THADA: variants seen among roughly 807,000 people sequenced by gnomAD.
THADA encodes THADA armadillo repeat containing, also known as tRNA (32-2'-O)-methyltransferase regulator THADA.
A neutral mutation model predicts 219.8 loss-of-function variants in THADA; 213 were observed. The observed-to-expected ratio is 0.97, with a 90% CI of 0.87 to 1.09. The LOEUF is 1.09. Ranked by LOEUF, THADA falls within the 50% of genes least tolerant of loss-of-function variation. The pLI is 0.00. For synonymous variants in THADA, 1,018 were observed against 828.9 expected, an observed-to-expected ratio of 1.23 and a Z score of -3.92; for missense variants, 2,956 against 2,311.3, an observed-to-expected ratio of 1.28 and a Z score of -5.72.
chr2:43,570,203 G>T (rs749353859), intron 14 of THADA, among the ~76,000 whole-genome samples, 185 bp downstream of exon 14: 5 of 152,138 alleles, frequency 3.3e-5, no homozygotes, highest in Non-Finnish European at 5.9e-5. Flanking sequence ...TACAGCACTG[G>T]TTCCATAACC....
intron 27 of THADA, 78 bp from the exon 28 acceptor site, chr2:43,428,309 GAAAT>G: frequency 5.0e-6 from 7 of 1,405,086 alleles, no homozygotes; most frequent in Non-Finnish European, 6.7e-6. Context: ...TTTTTCTCAT[GAAAT>G]AATTATGTAT....
chr2:43,427,899 T>C (rs918474117), intron 28 of THADA, among the ~76,000 whole-genome samples: 1 of 149,528 alleles, frequency 6.7e-6, no homozygotes, highest in Non-Finnish European at 1.5e-5. Flanking sequence ...GAGCTTGCAG[T>C]GAGCCGAGAT....
chr2:43,328,936 T>C (rs1386154474), intron 30 of THADA, among the ~76,000 whole-genome samples: 1 of 152,184 alleles, frequency 6.6e-6, no homozygotes, highest in Non-Finnish European at 1.5e-5. Flanking sequence ...AGAATCCTCA[T>C]ATTTTTCCAT....
chr2:43,265,718 G>A (rs1298137073), intron 36 of THADA, among the ~76,000 whole-genome samples: 1 of 152,132 alleles, frequency 6.6e-6, no homozygotes, highest in Non-Finnish European at 1.5e-5. Context: ...CTCAAAACTT[G>A]AAAACAACCC....
In THADA at chr2:43,303,636, G is replaced by GA. The variant is rs542009815; in HGVS notation, c.4439-10424dup. On this transcript the variant is annotated intron_variant, in intron 31 of 37. Coordinates refer to ENST00000405975, the MANE Select transcript of THADA (RefSeq NM_022065.5). ...TAAATAGCTTTAACAAGGGCATTCT[G>GA]AAAAAAAAATGGTAATATCATTACC... 4.5e-4 allele frequency among the ~76,000 whole-genome samples: 66 copies of GA among 145,674 alleles called. No individual in the cohort carries two copies. The South Asian group carries it at 5.4e-3, about 12-fold the overall frequency.
At chr2:43,362,524 G>T (rs1042816417) in intron 29 of THADA, among the ~76,000 whole-genome samples, 2 of 151,980 alleles carry the variant, frequency 1.3e-5, no homozygotes, top group Admixed American at 1.3e-4. Flanking sequence ...GATTTTAAAC[G>T]GTGCACCTGT....
rs1485001290 is a variant in THADA at position 43,245,174 on chromosome 2, T to A, written c.5297-12292A>T. The stretch of plus-strand genomic sequence containing the variant: ...CTGGAGCTTCTTTCTTTCTTCTTCT[T>A]TTTTTTTTTTTTTTTTGAGACGGAG... On this transcript the variant is annotated intron_variant, in intron 36 of 37. Transcript: ENST00000405975. Among the ~76,000 whole-genome samples the A allele has an allele frequency of 8.2e-5, 10 of 122,462 alleles. No individual in the cohort carries two copies. The East Asian group carries it at 2.0e-3, about 25-fold the overall frequency. 80.3% of individuals were successfully genotyped at this position (122,462 alleles called of 152,430 possible).
chr2:43,565,228 A>C (rs1413964188), intron 15 of THADA: 3 of 152,238 alleles, frequency 2.0e-5, no homozygotes, highest in African/African-American at 7.2e-5. Context: ...ACCTGAGGTC[A>C]GGAGTTCGAG....
intron 26 of THADA, among the ~76,000 whole-genome samples, chr2:43,463,468 T>C (rs1010334385): frequency 2.6e-5 from 4 of 152,222 alleles, no homozygotes; most frequent in Non-Finnish European, 2.9e-5. Context: ...ACACAGGCAA[T>C]GTTAACTAGC....
intron 26 of THADA, among the ~76,000 whole-genome samples, chr2:43,456,862 C>A (rs970300802): frequency 6.6e-6 from 1 of 152,062 alleles, no homozygotes; most frequent in Non-Finnish European, 1.5e-5. Context: ...TAAGAGTACA[C>A]CAGAGAACAT....
rs145652438 is a variant in THADA at position 43,375,440 on chromosome 2, C to A, written c.4227+22531G>T. On this transcript the variant is annotated intron_variant, in intron 29 of 37. Coordinates refer to ENST00000405975, the MANE Select transcript of THADA (RefSeq NM_022065.5). ...TATAATATAACACAGTATTTTCTCTCTATTCTTCTTAATTTTAAAATGATA... is the reference window on the plus strand; with the variant it reads ...TATAATATAACACAGTATTTTCTCTATATTCTTCTTAATTTTAAAATGATA... Among the ~76,000 whole-genome samples, 1,346 of 152,296 alleles carry A rather than the reference C, an allele frequency of 8.8e-3. 23 individuals are homozygous for A. Among genetic ancestry groups the A allele is most frequent in the African/African-American group, 0.031 (1,281 of 41,568 alleles).
At chr2:43,367,045 A>G (rs182860534) in intron 29 of THADA, among the ~76,000 whole-genome samples, 1 of 152,362 alleles carries the variant, frequency 6.6e-6, no homozygotes, top group East Asian at 1.9e-4. Context: ...AACACAGATG[A>G]ACCTTGAGAC....
At chr2:43,430,910 T>A (rs1056102147) in intron 26 of THADA, among the ~76,000 whole-genome samples, 2 of 152,208 alleles carry the variant, frequency 1.3e-5, no homozygotes, top group African/African-American at 4.8e-5. Context: ...GAACCACTGG[T>A]TTGGAGTATG....
rs1341887132 is a variant in THADA, at chr2:43,572,936, C to T, written c.1786G>A (p.Ala596Thr). 6.2e-7 allele frequency: 1 copy of T among 1,613,930 alleles called. No individual in the cohort carries two copies. The highest frequency in any genetic ancestry group is 1.1e-5 in the South Asian group (1 of 91,080). The change falls in exon 12 of 38, where the codon GCT becomes ACT. Residue 596 changes from alanine (A) to threonine (T), a missense_variant. Transcript: ENST00000405975. ...GSCNSRGALG[A>T]LMACLRIARA... ...GCTATTCGCAGACATGCCATCAAAGCTCCCAGAGCCCCCCTGCTATTACAA... is the reference window on the plus strand; with the variant it reads ...GCTATTCGCAGACATGCCATCAAAGTTCCCAGAGCCCCCCTGCTATTACAA...
At chr2:43,346,408 T>A (rs2104544618) in intron 29 of THADA, among the ~76,000 whole-genome samples, 1 of 152,214 alleles carries the variant, frequency 6.6e-6, no homozygotes, top group Non-Finnish European at 1.5e-5. Flanking sequence ...ACTCAGGAGC[T>A]CCGGCAGCTC....
At chr2:43,434,970 C>G (rs969833435) in intron 26 of THADA, among the ~76,000 whole-genome samples, 1 of 152,152 alleles carries the variant, frequency 6.6e-6, no homozygotes, top group Non-Finnish European at 1.5e-5. Flanking sequence ...GTGGGAGCCC[C>G]ACAGCCTGCC....
At chr2:43,552,959 C>A (rs550468386) in intron 17 of THADA, among the ~76,000 whole-genome samples, 3 of 152,158 alleles carry the variant, frequency 2.0e-5, no homozygotes, top group Non-Finnish European at 4.4e-5. Flanking sequence ...AAACTAGTTG[C>A]CTGGACGTCT....
chr2:43,247,389 A>T (rs139404907), intron 36 of THADA, among the ~76,000 whole-genome samples: 109 of 152,320 alleles, frequency 7.2e-4, no homozygotes, highest in African/African-American at 2.6e-3. Flanking sequence ...CAAGTTCTAA[A>T]ACTGGGCATG....
At chr2:43,527,448 T>G (rs1574089369) in intron 22 of THADA, among the ~76,000 whole-genome samples, 1 of 152,322 alleles carries the variant, frequency 6.6e-6, no homozygotes, top group East Asian at 1.9e-4. Flanking sequence ...CTACTTACTG[T>G]TCTTTTAAAC....
Sources: allele counts gnomAD v4.1 joint callset (sites outside exome capture counted in the v4.1 genomes callset), GRCh38; gene constraint gnomAD v4.1.1; transcripts MANE v1.5; gene names NCBI Gene and HGNC (gene_info 2026-07-23, HGNC 2026-07-21).